ZDHHC14: variants seen among roughly 807,000 people sequenced by gnomAD.
The protein encoded by ZDHHC14 is palmitoyltransferase ZDHHC14.
ZDHHC14 carries 16 observed loss-of-function variants against 47.7 expected under a neutral mutation model. The ratio of observed to expected loss-of-function variants is 0.34; its 90% CI spans 0.23 to 0.51. ZDHHC14 has a LOEUF of 0.51. Ranked by LOEUF, ZDHHC14 falls within the 20% of genes least tolerant of loss-of-function variation. ZDHHC14 has a pLI of 0.97. For synonymous variants in ZDHHC14, 293 were observed against 278.9 expected (o/e 1.05, Z -0.50); for missense variants, 515 against 662.5 (o/e 0.78, Z 2.44).
chr6:157,629,745 C>T (rs1026503053), intron 4 of ZDHHC14: 6 of 152,114 alleles, frequency 3.9e-5, no homozygotes, highest in Non-Finnish European at 8.8e-5. Flanking sequence ...AATGGACACC[C>T]GCCTTTTCCA....
At chr6:157,539,237 A>G (rs1206396674) in intron 1 of ZDHHC14, among the ~76,000 whole-genome samples, 1 of 151,802 alleles carries the variant, frequency 6.6e-6, no homozygotes, top group African/African-American at 2.4e-5. Context: ...AAGTGTTTCT[A>G]CAAAACACAC....
chr6:157,409,242 G>A (rs1777825577), intron 1 of ZDHHC14, among the ~76,000 whole-genome samples: 2 of 152,222 alleles, frequency 1.3e-5, no homozygotes, highest in Non-Finnish European at 2.9e-5. Context: ...GTCCCAGGGG[G>A]ATGTGGGTGT....
At chr6:157,622,685 A>G (rs1488577066) in intron 3 of ZDHHC14, among the ~76,000 whole-genome samples, 2 of 152,004 alleles carry the variant, frequency 1.3e-5, no homozygotes, top group Admixed American at 1.3e-4. Flanking sequence ...CTTAGCACCT[A>G]GTCAGTATCT....
intron 1 of ZDHHC14, among the ~76,000 whole-genome samples, chr6:157,394,036 A>G (rs1191128702): frequency 6.6e-6 from 1 of 152,172 alleles, no homozygotes; most frequent in African/African-American, 2.4e-5. Flanking sequence ...AAAGCAAGTC[A>G]TTGAAAGCTG....
At chr6:157,668,495 C>G (rs1451683873) in intron 8 of ZDHHC14, among the ~76,000 whole-genome samples, 1 of 147,846 alleles carries the variant, frequency 6.8e-6, no homozygotes, top group East Asian at 2.0e-4. Context: ...ACCAGCCTGG[C>G]CAACACAGTA....
chr6:157,619,541 A>G (rs1785102135), intron 3 of ZDHHC14, among the ~76,000 whole-genome samples: 1 of 152,242 alleles, frequency 6.6e-6, no homozygotes, highest in South Asian at 2.1e-4. Context: ...GCCACCTGCC[A>G]GGTGGTGGCA....
intron 1 of ZDHHC14, among the ~76,000 whole-genome samples, chr6:157,489,656 AC>A (rs1779866540): frequency 1.3e-5 from 2 of 152,302 alleles, no homozygotes; most frequent in South Asian, 4.1e-4. Flanking sequence ...CACCAGGCAC[AC>A]CGTGTGGCAG....
intron 1 of ZDHHC14, among the ~76,000 whole-genome samples, chr6:157,504,386 G>A (rs1780266880): frequency 6.7e-6 from 1 of 150,138 alleles, no homozygotes; most frequent in South Asian, 2.1e-4. Flanking sequence ...CTGACCTCGT[G>A]ATCTGCCTGC....
chr6:157,570,471 C>T (rs1420491419), intron 2 of ZDHHC14, among the ~76,000 whole-genome samples: 2 of 152,156 alleles, frequency 1.3e-5, no homozygotes, highest in Admixed American at 6.5e-5. Context: ...TCTTCACTTA[C>T]GCAGCACAGC....
chr6:157,388,667 T>C (rs1777364643), intron 1 of ZDHHC14, among the ~76,000 whole-genome samples: 2 of 152,228 alleles, frequency 1.3e-5, no homozygotes, highest in Admixed American at 1.3e-4. Flanking sequence ...GTTAGTCCCA[T>C]TTCAAACTTA....
intron 1 of ZDHHC14, among the ~76,000 whole-genome samples, chr6:157,466,774 G>A (rs9406300): frequency 0.24 from 35,891 of 151,668 alleles, 4,613 homozygotes; most frequent in East Asian, 0.43. Context: ...GGAGATGAAA[G>A]CTCGTGAGCC....
chr6:157,641,563 A>G (rs913400247), intron 5 of ZDHHC14, among the ~76,000 whole-genome samples: 6 of 152,222 alleles, frequency 3.9e-5, no homozygotes, highest in Middle Eastern at 3.4e-3. Context: ...TTCTACGAAC[A>G]TGTAGGGGTT....
intron 3 of ZDHHC14, among the ~76,000 whole-genome samples, chr6:157,617,757 C>T (rs1366728949): frequency 2.0e-5 from 3 of 152,042 alleles, no homozygotes; most frequent in East Asian, 3.9e-4. Context: ...ATAAGAGTCA[C>T]GAGGGTGGGG....
At chr6:157,592,932 G>A (rs1783973018) in intron 2 of ZDHHC14, 56 bp from the exon 3 acceptor site, 7 of 1,541,696 alleles carry the variant, frequency 4.5e-6, no homozygotes, top group Non-Finnish European at 3.5e-6. Context: ...GACGGGTCCC[G>A]CCGAGGCAGA....
chr6:157,466,425 G>A (rs902456904), intron 1 of ZDHHC14, among the ~76,000 whole-genome samples: 3 of 152,236 alleles, frequency 2.0e-5, no homozygotes, highest in African/African-American at 7.2e-5. Flanking sequence ...TGGCACACAG[G>A]AGGCACTCAG....
intron 1 of ZDHHC14, among the ~76,000 whole-genome samples, chr6:157,530,581 C>T (rs1366661694): frequency 6.6e-6 from 1 of 152,170 alleles, no homozygotes; most frequent in Non-Finnish European, 1.5e-5. Context: ...TGTCACAGGG[C>T]TCGTGGGCTT....
intron 2 of ZDHHC14, among the ~76,000 whole-genome samples, chr6:157,570,760 C>A (rs1269673396): frequency 1.3e-5 from 2 of 148,228 alleles, no homozygotes; most frequent in East Asian, 3.9e-4. Context: ...TACATACACA[C>A]ACACACACAC....
chr6:157,496,960 G>T (rs1029006754), intron 1 of ZDHHC14, among the ~76,000 whole-genome samples: 12 of 152,172 alleles, frequency 7.9e-5, no homozygotes, highest in African/African-American at 1.2e-4. Context: ...ACAGTCACAT[G>T]AAATATTGTG....
intron 2 of ZDHHC14, among the ~76,000 whole-genome samples, chr6:157,574,093 A>G (rs1327704564): frequency 6.6e-6 from 1 of 151,644 alleles, no homozygotes; most frequent in East Asian, 1.9e-4. Flanking sequence ...ACTCAACAAC[A>G]CCACACTCTA....
Sources: allele counts gnomAD v4.1 joint callset (sites outside exome capture counted in the v4.1 genomes callset), GRCh38; gene constraint gnomAD v4.1.1; transcripts MANE v1.5; gene names NCBI Gene and HGNC (gene_info 2026-07-23, HGNC 2026-07-21).